RIPK2: variants seen among roughly 807,000 people sequenced by gnomAD.
RIPK2 encodes the protein receptor interacting serine/threonine kinase 2.
A neutral mutation model predicts 60.9 loss-of-function variants in RIPK2; 38 were observed. That is an observed-to-expected ratio of 0.62 (90% CI 0.48 to 0.82). The LOEUF (loss-of-function observed/expected upper bound fraction) is 0.82. RIPK2 is among the 40% of genes least tolerant of loss of function. RIPK2 has a pLI of 0.00. For synonymous variants in RIPK2, 225 were observed against 223.4 expected (o/e 1.01, Z -0.06); for missense variants, 518 against 647.0 (o/e 0.80, Z 2.16).
chr8:89,761,194 A>G (rs1320366486), intron 1 of RIPK2, among the ~76,000 whole-genome samples: 1 of 152,092 alleles, frequency 6.6e-6, no homozygotes, highest in African/African-American at 2.4e-5. Context: ...TCTGGTCTAG[A>G]ATGTCTGTTG....
chr8:89,758,146 C>G lies in RIPK2; in HGVS notation c.86C>G (p.Ser29Cys). 2 of 1,599,992 alleles carry G rather than the reference C, an allele frequency of 1.3e-6. No individual in the cohort carries two copies. Among genetic ancestry groups the G allele is most frequent in the Non-Finnish European group, 1.7e-6 (2 of 1,174,486 alleles). Residue 29 changes from serine (S) to cysteine (C), a missense_variant, in exon 1 of 11, where the codon TCT becomes TGT. This residue lies in a region of RIPK2 where 448 missense variants were observed against 534.7 expected (regional missense o/e 0.84). Transcript: ENST00000220751. ...ADLRYLSRGA[S>C]GTVSSARHAD... ...CTGCGCTACCTGAGCCGCGGCGCCTCTGGCACTGTGTCGTCCGCCCGCCAC... is the reference window on the plus strand; with the variant it reads ...CTGCGCTACCTGAGCCGCGGCGCCTGTGGCACTGTGTCGTCCGCCCGCCAC...
intron 6 of RIPK2, among the ~76,000 whole-genome samples, chr8:89,774,922 T>C (rs1250869855): frequency 6.6e-6 from 1 of 152,174 alleles, no homozygotes; most frequent in Non-Finnish European, 1.5e-5. Context: ...ATGTTTAATC[T>C]GCCAGGAGGC....
chr8:89,789,507 T>A (rs777720635), intron 10 of RIPK2, 25 bp downstream of exon 10: 2 of 1,601,888 alleles, frequency 1.2e-6, no homozygotes, highest in Non-Finnish European at 1.7e-6. Context: ...TGAAACACCT[T>A]GTAAGTGATG....
intron 7 of RIPK2, among the ~76,000 whole-genome samples, chr8:89,780,940 AG>A (rs200859919): frequency 6.0e-4 from 89 of 148,884 alleles, no homozygotes; most frequent in African/African-American, 2.0e-3. Context: ...CTATTACTGC[AG>A]GGGTTTTTTT....
intron 9 of RIPK2, among the ~76,000 whole-genome samples, chr8:89,788,847 G>T (rs959121766): frequency 6.6e-5 from 10 of 151,922 alleles, no homozygotes; most frequent in Non-Finnish European, 1.5e-4. Context: ...AGGAAGGAAG[G>T]AAAGAAGGAA....
chr8:89,762,394 G>C (rs1809160150), intron 1 of RIPK2, among the ~76,000 whole-genome samples: 1 of 151,808 alleles, frequency 6.6e-6, no homozygotes, highest in East Asian at 1.9e-4. Flanking sequence ...CAGGATATTT[G>C]GAAAATGTTT....
At position 89,776,009 on chromosome 8, in the gene RIPK2, CTTAGTAGCATT is replaced by C. The variant is rs1809393435; in HGVS notation, c.853+3185_853+3195del. On this transcript the variant is annotated intron_variant, in intron 6 of 10. Transcript: ENST00000220751. Reference sequence around the variant, plus strand: ...ACCTTTAGATCTGCAGCCAAATGGGCTTAGTAGCATTTTACCCCTACAGTTGATAGCTTTAC... The same window carrying C: ...ACCTTTAGATCTGCAGCCAAATGGGCTTACCCCTACAGTTGATAGCTTTAC... Among the ~76,000 whole-genome samples the C allele has an allele frequency of 7.2e-5, 11 of 152,252 alleles. 1 individual carries two copies. In the South Asian group the frequency reaches 2.3e-3, roughly 32 times the overall value.
At chr8:89,783,187 G>A (rs1254855529) in intron 7 of RIPK2, among the ~76,000 whole-genome samples, 1 of 152,176 alleles carries the variant, frequency 6.6e-6, no homozygotes, top group Non-Finnish European at 1.5e-5. Flanking sequence ...ATTCTGAAGA[G>A]TAGTTGACAT....
chr8:89,759,184 C>A, intron 1 of RIPK2: 1 of 373,116 alleles, frequency 2.7e-6, no homozygotes, highest in Non-Finnish European at 5.5e-6. Flanking sequence ...ATGGCTTTCA[C>A]TTATTGGTTT....
intron 8 of RIPK2, among the ~76,000 whole-genome samples, chr8:89,785,316 CAT>C (rs1024046561): frequency 6.6e-6 from 1 of 151,860 alleles, no homozygotes; most frequent in Non-Finnish European, 1.5e-5. Context: ...CTCTACTAAA[CAT>C]ATAAAAATTA....
In RIPK2 at chr8:89,786,604, A is replaced by G; in HGVS notation, c.1041A>G (p.Gly347=). ...TTTATTTACTTTAGGAATCATGTGG[A>G]TCCTCTCAGCTCCATGAAAATAGTG... ...VNHGPQEESC[G]SSQLHENSGS... Residue 347 remains glycine (G), a synonymous_variant, in exon 9 of 11, where the codon GGA becomes GGG. Transcript: ENST00000220751. 2 of 1,568,970 alleles carry G rather than the reference A, an allele frequency of 1.3e-6. No individual in the cohort carries two copies. Among genetic ancestry groups the G allele is most frequent in the Non-Finnish European group, 1.7e-6 (2 of 1,144,662 alleles).
rs555502189 is a variant in RIPK2, at chr8:89,761,977, T to C, written c.174-852T>C. ...CCTACCTATTGGACGTCTGATACAA[T>C]TGAGCCCAGGAGTTTGAGGCCACCC... On this transcript the variant is annotated intron_variant, in intron 1 of 10. Coordinates refer to ENST00000220751, the MANE Select transcript of RIPK2 (RefSeq NM_003821.6). 8.5e-5 allele frequency among the ~76,000 whole-genome samples: 13 copies of C among 152,120 alleles called. 1 individual carries two copies. In the South Asian group the frequency reaches 2.7e-3, roughly 32 times the overall value.
In RIPK2 at chr8:89,761,080, C is replaced by T. The variant is rs115977886; in HGVS notation, c.174-1749C>T. On this transcript the variant is annotated intron_variant, in intron 1 of 10. Coordinates refer to ENST00000220751, the MANE Select transcript of RIPK2 (RefSeq NM_003821.6). Reference sequence around the variant, plus strand: ...CTTTTCACTTTATGCCTTCTTGTTACTCTTGAATTTTAAGACATATAAATA... The same window carrying T: ...CTTTTCACTTTATGCCTTCTTGTTATTCTTGAATTTTAAGACATATAAATA... 7.4e-3 allele frequency among the ~76,000 whole-genome samples: 1,120 copies of T among 152,246 alleles called. 13 individuals are homozygous for T. The highest frequency in any genetic ancestry group is 0.026 in the African/African-American group (1,060 of 41,538).
chr8:89,771,022 A>G (rs748410716), intron 4 of RIPK2, among the ~76,000 whole-genome samples: 56 of 152,004 alleles, frequency 3.7e-4, no homozygotes, highest in Non-Finnish European at 4.3e-4. Context: ...GTTTGATTCT[A>G]TAAAAATGGG....
intron 6 of RIPK2, among the ~76,000 whole-genome samples, chr8:89,777,580 A>AGTGTGTGTGTGT (rs35518918): frequency 6.6e-6 from 1 of 151,110 alleles, no homozygotes; most frequent in Admixed American, 6.6e-5. Flanking sequence ...GTACAGTGTG[A>AGTGTGTGTGTGT]GTGTGTGTGT....
At chr8:89,764,066 G>A (rs1809187434) in intron 2 of RIPK2, among the ~76,000 whole-genome samples, 1 of 152,006 alleles carries the variant, frequency 6.6e-6, no homozygotes, top group African/African-American at 2.4e-5. Context: ...AATATACAGT[G>A]AGCACTTCTC....
chr8:89,758,293 C>T (rs1273736315), intron 1 of RIPK2, 60 bp downstream of exon 1: 10 of 1,485,632 alleles, frequency 6.7e-6, no homozygotes, highest in African/African-American at 5.6e-5. Flanking sequence ...CTCAAGCCCC[C>T]TGACAAGCGG....
chr8:89,789,044 A>G lies in RIPK2; in HGVS notation c.1124-277A>G, dbSNP rs1586136759. On this transcript the variant is annotated intron_variant, in intron 9 of 10. Transcript: ENST00000220751. ...CAGAAGGAGTAAGAAGACACACAGG[A>G]AAAATATGGGACTATGTAAAGAAGT... Among the ~76,000 whole-genome samples the G allele has an allele frequency of 2.0e-5, 3 of 152,188 alleles. No homozygotes were observed. In the East Asian group the frequency reaches 5.8e-4, roughly 29 times the overall value.
intron 1 of RIPK2, 91 bp downstream of exon 1, chr8:89,758,324 G>A: frequency 4.5e-6 from 6 of 1,339,990 alleles, no homozygotes; most frequent in Non-Finnish European, 6.0e-6. Flanking sequence ...CCAAATGGCA[G>A]TGACCGCTTG....
Sources: gnomAD v4.1 joint callset for allele counts (sites outside exome capture counted in the v4.1 genomes callset) on GRCh38, gnomAD v4.1.1 for gene constraint, gnomAD v4.1.1 regional missense constraint, MANE v1.5 for transcripts, NCBI Gene and HGNC (gene_info 2026-07-23, HGNC 2026-07-21) for gene names.